Variants in DOCK8 observed in about 807,000 individuals in gnomAD.
DOCK8 encodes the protein dedicator of cytokinesis 8.
DOCK8 carries 141 observed loss-of-function variants against 245.6 expected under a neutral mutation model. That is an observed-to-expected ratio of 0.57 (90% confidence interval 0.50 to 0.66). The LOEUF (loss-of-function observed/expected upper bound fraction) is 0.66, where lower values mean the gene tolerates loss of function less well. Among genes scored for constraint, DOCK8 ranks in the 30% least tolerant of loss-of-function variants. The pLI is 0.00. For missense variants in DOCK8, 2,965 were observed against 2,603.4 expected, an observed-to-expected ratio of 1.14 and a Z score of -3.02; for synonymous variants, 1,168 against 970.2, an observed-to-expected ratio of 1.20 and a Z score of -3.79.
chr9:286,191 C>G (rs150201396), intron 2 of DOCK8, among the ~76,000 whole-genome samples: 1 of 152,132 alleles, frequency 6.6e-6, no homozygotes, highest in African/African-American at 2.4e-5. Flanking sequence ...CTCAGGATTC[C>G]TCATCAAGTT....
chr9:311,245 A>G (rs2050096214), intron 5 of DOCK8, among the ~76,000 whole-genome samples: 1 of 151,188 alleles, frequency 6.6e-6, no homozygotes, highest in Admixed American at 6.6e-5. Flanking sequence ...AGATGGCGCC[A>G]TTGCACTCAA....
chr9:441,495 C>T, intron 41 of DOCK8, 78 bp downstream of exon 41: 1 of 1,600,522 alleles, frequency 6.2e-7, no homozygotes, highest in Non-Finnish European at 8.5e-7. Flanking sequence ...AGCCATCCTT[C>T]CTCTCCAGGG....
intron 1 of DOCK8, among the ~76,000 whole-genome samples, chr9:263,287 T>G (rs1273175668): frequency 6.6e-6 from 1 of 152,086 alleles, no homozygotes; most frequent in Non-Finnish European, 1.5e-5. Flanking sequence ...TTTTGCCCAC[T>G]TGTTTCTTGT....
intron 44 of DOCK8, among the ~76,000 whole-genome samples, chr9:446,976 G>C (rs1196556986): frequency 6.6e-6 from 1 of 151,914 alleles, no homozygotes; most frequent in Non-Finnish European, 1.5e-5. Flanking sequence ...GGTGATTCAA[G>C]CATAGTCGTG....
chr9:416,016 G>C (rs2055990288), intron 29 of DOCK8, among the ~76,000 whole-genome samples: 1 of 152,202 alleles, frequency 6.6e-6, no homozygotes, highest in African/African-American at 2.4e-5. Flanking sequence ...AAAATGAAAA[G>C]CAAGTATTCC....
chr9:464,111 T>G (rs2131987194), intron 47 of DOCK8, 48 bp from the exon 48 acceptor site: 1 of 1,507,540 alleles, frequency 6.6e-7, no homozygotes, highest in Non-Finnish European at 9.2e-7. Flanking sequence ...CTTTTCTTGC[T>G]TCTGTACGCT....
intron 1 of DOCK8, among the ~76,000 whole-genome samples, chr9:217,322 G>C (rs1392455596): frequency 6.6e-6 from 1 of 152,174 alleles, no homozygotes; most frequent in African/African-American, 2.4e-5. Context: ...GCTGAAGTTG[G>C]AGAGCTTCAG....
At chr9:373,096 A>T (rs973651831) in intron 18 of DOCK8, among the ~76,000 whole-genome samples, 2 of 152,060 alleles carry the variant, frequency 1.3e-5, no homozygotes, top group Non-Finnish European at 2.9e-5. Context: ...TAACCTGGGA[A>T]GTGGAGGTTG....
At position 295,639 on chromosome 9, in the gene DOCK8, T is replaced by C. The variant is rs7031611; in HGVS notation, c.404+6058T>C. 5.1e-3 allele frequency among the ~76,000 whole-genome samples: 772 copies of C among 152,316 alleles called. 8 individuals are homozygous for C. Among genetic ancestry groups the C allele is most frequent in the African/African-American group, 0.018 (733 of 41,570 alleles). On this transcript the variant is annotated intron_variant, in intron 4 of 47. Transcript: ENST00000432829. ...CCACTTTGCCTTATAAGGACATGCC[T>C]TTGTTATCCAGAACCAAGCAGTCAA...
At chr9:398,828 A>T (rs897057176) in intron 25 of DOCK8, among the ~76,000 whole-genome samples, 3 of 152,108 alleles carry the variant, frequency 2.0e-5, no homozygotes, top group African/African-American at 7.2e-5. Context: ...AAAAAAAGTT[A>T]CCAGGATATA....
chr9:388,098 A>G lies in DOCK8; in HGVS notation c.2874+1672A>G, dbSNP rs563785537. Among the ~76,000 whole-genome samples the G allele has an allele frequency of 3.1e-4, 47 of 152,326 alleles. No homozygotes were observed. In the East Asian group the frequency reaches 4.6e-3, roughly 15 times the overall value. ...TCCTTGTCTAATCTCTTCTTGCCAT[A>G]AGACCCTGGCAGACAAACTGACCTA... On this transcript the variant is annotated intron_variant, in intron 23 of 47. Coordinates refer to ENST00000432829, the MANE Select transcript of DOCK8 (RefSeq NM_203447.4).
chr9:390,622 A>G, intron 24 of DOCK8, 56 bp downstream of exon 24: 3 of 1,547,454 alleles, frequency 1.9e-6, no homozygotes, highest in Non-Finnish European at 2.7e-6. Context: ...AGCACACAGC[A>G]GAAAGGAATT....
intron 15 of DOCK8, chr9:368,412 G>A (rs2053117156): frequency 1.6e-6 from 1 of 644,286 alleles, no homozygotes; most frequent in Non-Finnish European, 2.8e-6. Context: ...ACTGCCCATA[G>A]GACCACCCCA....
chr9:231,519 C>A (rs1241068033), intron 1 of DOCK8, among the ~76,000 whole-genome samples: 2 of 152,124 alleles, frequency 1.3e-5, no homozygotes, highest in African/African-American at 4.8e-5. Context: ...GATATTGATT[C>A]TTCCTACCCA....
chr9:224,989 A>T (rs2046960984), intron 1 of DOCK8, among the ~76,000 whole-genome samples: 1 of 152,200 alleles, frequency 6.6e-6, no homozygotes, highest in Non-Finnish European at 1.5e-5. Context: ...CATTCCAAAT[A>T]ACTACCTGGT....
rs1407788035 is a variant in DOCK8 at position 382,620 on chromosome 9, A to T, written c.2713A>T (p.Asn905Tyr). ...GCAGGCCCGGGTGATGAGCAGCAGT[A>T]ACCCAGACCTCGCGGGGACACACTC... The part of the protein sequence containing the change: ...LLQARVMSSS[N>Y]PDLAGTHSAA... The change falls in exon 22 of 48, where the codon AAC becomes TAC. Residue 905 changes from asparagine to tyrosine, a missense_variant. Transcript: ENST00000432829. The T allele has an allele frequency of 8.7e-6, 14 of 1,614,074 alleles. No individual in the cohort carries two copies. Among genetic ancestry groups the T allele is most frequent in the Middle Eastern group, 3.3e-4 (2 of 6,084 alleles).
intron 25 of DOCK8, 74 bp downstream of exon 25, chr9:397,008 TA>T (rs2054494215): frequency 1.1e-5 from 16 of 1,462,632 alleles, no homozygotes; most frequent in Non-Finnish European, 1.5e-5. Flanking sequence ...CAGAGAAAAA[TA>T]AGCATCATTT....
intron 46 of DOCK8, among the ~76,000 whole-genome samples, chr9:457,686 A>G (rs1355257660): frequency 1.3e-5 from 2 of 152,196 alleles, no homozygotes; most frequent in East Asian, 3.9e-4. Flanking sequence ...AGTTTCATCA[A>G]CTATGAAATA....
chr9:403,634 C>T (rs892652277), intron 26 of DOCK8, among the ~76,000 whole-genome samples: 4 of 151,702 alleles, frequency 2.6e-5, no homozygotes, highest in African/African-American at 7.3e-5. Flanking sequence ...GAGGCCAAGG[C>T]GGGAGGATCA....
Sources: allele counts gnomAD v4.1 joint callset (sites outside exome capture counted in the v4.1 genomes callset), GRCh38; gene constraint gnomAD v4.1.1; transcripts MANE v1.5; gene names NCBI Gene and HGNC (gene_info 2026-07-23, HGNC 2026-07-21).